The following SPTBN4 variants were observed in gnomAD, a reference collection of about 807,000 sequenced individuals.
SPTBN4 encodes the protein spectrin beta, non-erythrocytic 4.
Under a neutral mutation model 277.8 loss-of-function variants are expected in SPTBN4, and 96 were observed. That is an observed-to-expected ratio of 0.35 (90% CI 0.29 to 0.41). SPTBN4 has a LOEUF of 0.41. SPTBN4 is among the 10% of genes least tolerant of loss of function. The pLI, the probability that SPTBN4 is intolerant of heterozygous loss-of-function variation, is 1.00. For synonymous variants in SPTBN4, 1,481 were observed against 1,580.3 expected, an observed-to-expected ratio of 0.94 and a Z score of 1.49; for missense variants, 3,006 against 3,595.7, an observed-to-expected ratio of 0.84 and a Z score of 4.19.
intron 1 of SPTBN4, among the ~76,000 whole-genome samples, chr19:40,471,136 A>G (rs1283771312): frequency 2.0e-5 from 3 of 148,694 alleles, no homozygotes; most frequent in Non-Finnish European, 4.5e-5. Context: ...TTTTAGAGAC[A>G]GGGTTTCACC....
chr19:40,493,161 A>G (rs1204078271), intron 5 of SPTBN4, 107 bp downstream of exon 5: 1 of 929,912 alleles, frequency 1.1e-6, no homozygotes, highest in Non-Finnish European at 1.7e-6. Flanking sequence ...CCTCAGGGTC[A>G]AAAAGTTACA....
chr19:40,531,735 G>A (rs1330871651), intron 18 of SPTBN4, among the ~76,000 whole-genome samples: 1 of 151,854 alleles, frequency 6.6e-6, no homozygotes, highest in African/African-American at 2.4e-5. Context: ...TGGTTTTGTT[G>A]GTGGGTAGGA....
rs939525136 is a variant in SPTBN4, at chr19:40,526,467, G to A, written c.3858-2574G>A. 1.1e-4 allele frequency among the ~76,000 whole-genome samples: 17 copies of A among 149,914 alleles called. No homozygotes were observed. The East Asian group carries it at 1.6e-3, about 14-fold the overall frequency. On this transcript the variant is annotated intron_variant, in intron 17 of 35. Transcript: ENST00000598249. ...GATTACAGGCGTGAGCCACCGCGCCGGCCGCTAGGTGCTGTTCTTATCTGC... is the reference window on the plus strand; with the variant it reads ...GATTACAGGCGTGAGCCACCGCGCCAGCCGCTAGGTGCTGTTCTTATCTGC...
intron 20 of SPTBN4, among the ~76,000 whole-genome samples, chr19:40,546,724 C>T (rs2080863804): frequency 6.6e-6 from 1 of 152,086 alleles, no homozygotes; most frequent in Admixed American, 6.6e-5. Context: ...TGCTTGTAGT[C>T]CTAGCTACTT....
rs369874215 is a variant in SPTBN4, at chr19:40,529,931, A to C, written c.3948+800A>C. Among the ~76,000 whole-genome samples the C allele has an allele frequency of 3.3e-5, 5 of 150,370 alleles. No homozygotes were observed. The East Asian group carries it at 7.9e-4, about 24-fold the overall frequency. On this transcript the variant is annotated intron_variant, in intron 18 of 35. Coordinates refer to ENST00000598249, the MANE Select transcript of SPTBN4 (RefSeq NM_020971.3). ...CTCAGCCTCAATTAAAGACGATTCG[A>C]CCCTCCCCCCTATGTTGAACACCCA...
chr19:40,557,866 C>T (rs569631746), intron 26 of SPTBN4, among the ~76,000 whole-genome samples: 2 of 146,794 alleles, frequency 1.4e-5, no homozygotes, highest in East Asian at 2.0e-4. Context: ...TGCAGTGAGC[C>T]CAGATCTCGC....
At position 40,560,433 on chromosome 19, in the gene SPTBN4, C is replaced by T; in HGVS notation, c.5915+30C>T. 1 of 1,613,418 alleles carries T rather than the reference C, an allele frequency of 6.2e-7. No individual in the cohort carries two copies. Among genetic ancestry groups the T allele is most frequent in the Non-Finnish European group, 8.5e-7 (1 of 1,179,662 alleles). ...CCCTCATCCCTCCTCGGGCTTCCTGCCTCCCCCTGGTGGCCTACCCCAGCC... is the reference window on the plus strand; with the variant it reads ...CCCTCATCCCTCCTCGGGCTTCCTGTCTCCCCCTGGTGGCCTACCCCAGCC... On this transcript the variant is annotated intron_variant, in intron 27 of 35. Coordinates refer to ENST00000598249, the MANE Select transcript of SPTBN4 (RefSeq NM_020971.3). The surrounding 1 kb of genome is among the most constrained non-coding windows in gnomAD (Gnocchi z 5.2).
Position 40,556,077 on chromosome 19 carries a change from C to T in SPTBN4, c.5085-7C>T. On this transcript the variant is annotated splice_polypyrimidine_tract_variant and splice_region_variant and intron_variant, in intron 24 of 35. Transcript: ENST00000598249. ...GTCCATCCCTGCCCCTCCATGTCCC[C>T]CTTCAGCGAGCAGATCAGCCGGCGG... 1 of 1,607,772 alleles carries T rather than the reference C, an allele frequency of 6.2e-7. No individual in the cohort carries two copies. The highest frequency in any genetic ancestry group is 8.5e-7 in the Non-Finnish European group (1 of 1,177,232).
chr19:40,474,284 C>T (rs974865482), intron 2 of SPTBN4, among the ~76,000 whole-genome samples: 2 of 151,270 alleles, frequency 1.3e-5, no homozygotes, highest in African/African-American at 4.9e-5. Flanking sequence ...TACACAGGAA[C>T]CTTTGGGACT....
intron 20 of SPTBN4, among the ~76,000 whole-genome samples, chr19:40,541,328 A>T (rs973461266): frequency 6.6e-6 from 1 of 152,146 alleles, no homozygotes; most frequent in East Asian, 1.9e-4. Context: ...TCACACAGTG[A>T]TGGGTGCCAG....
rs868194335 is a variant in SPTBN4, at chr19:40,550,223, C to T, written c.4585-15C>T. On this transcript the variant is annotated splice_polypyrimidine_tract_variant and intron_variant, in intron 21 of 35. Coordinates refer to ENST00000598249, the MANE Select transcript of SPTBN4 (RefSeq NM_020971.3). The stretch of plus-strand genomic sequence containing the variant: ...ATGCATTCTCCCCTTGACCTGCTTC[C>T]TGTGTCCTCTCCAGGCATGGGTTCA... 13 of 1,612,948 alleles carry T rather than the reference C, an allele frequency of 8.1e-6. No homozygotes were observed. Among genetic ancestry groups the T allele is most frequent in the African/African-American group, 5.3e-5 (4 of 75,026 alleles).
Position 40,540,814 on chromosome 19 carries a change from C to CA in SPTBN4, c.4359+6497dup, listed in dbSNP as rs58695945. The stretch of plus-strand genomic sequence containing the variant: ...GGTCGACAGAGTGAGACCCCCATCT[C>CA]AAAAAAAAAAAAAAAAAAAAAAAAA... On this transcript the variant is annotated intron_variant, in intron 20 of 35. Transcript: ENST00000598249. Among the ~76,000 whole-genome samples, 274 of 79,296 alleles carry CA rather than the reference C, an allele frequency of 3.5e-3. 10 individuals carry two copies. In the East Asian group the frequency reaches 0.036, roughly 10 times the overall value. 52.0% of individuals were successfully genotyped at this position (79,296 alleles called of 152,430 possible).
chr19:40,523,087 T>C (rs2080547543), intron 16 of SPTBN4, among the ~76,000 whole-genome samples: 2 of 152,130 alleles, frequency 1.3e-5, no homozygotes, highest in African/African-American at 2.4e-5. Context: ...TGAGCCGGGA[T>C]TGCACCACTG....
At chr19:40,539,735 C>T (rs1006947866) in intron 20 of SPTBN4, among the ~76,000 whole-genome samples, 1 of 151,974 alleles carries the variant, frequency 6.6e-6, no homozygotes, top group African/African-American at 2.4e-5. Flanking sequence ...CCACCTCCGC[C>T]TCCCAAAGTG....
At chr19:40,484,468 C>T (rs1031432325) in intron 2 of SPTBN4, among the ~76,000 whole-genome samples, 2 of 152,122 alleles carry the variant, frequency 1.3e-5, no homozygotes, top group Admixed American at 6.6e-5. Flanking sequence ...CAGATAACCT[C>T]GAGATGATCA....
intron 2 of SPTBN4, among the ~76,000 whole-genome samples, chr19:40,481,424 A>C (rs1332093238): frequency 6.6e-6 from 1 of 152,112 alleles, no homozygotes. Context: ...CTAGCAGTGT[A>C]CCAGAGATTC....
chr19:40,492,029 AC>A (rs200051156), intron 4 of SPTBN4, among the ~76,000 whole-genome samples: 2,859 of 144,758 alleles, frequency 0.02, 96 homozygotes, highest in African/African-American at 0.075. Flanking sequence ...TCTAAAAAAA[AC>A]AAAAACAAAA....
chr19:40,520,616 G>A (rs547791567), intron 16 of SPTBN4, among the ~76,000 whole-genome samples: 1 of 152,294 alleles, frequency 6.6e-6, no homozygotes, highest in South Asian at 2.1e-4. Context: ...CAGTGATTGT[G>A]GATTACATGG....
intron 22 of SPTBN4, among the ~76,000 whole-genome samples, chr19:40,553,201 C>T (rs1180599923): frequency 6.6e-6 from 1 of 152,176 alleles, no homozygotes; most frequent in Admixed American, 6.5e-5. Flanking sequence ...GTTGGCTGGC[C>T]GGGCACAGTG....
Sources: gnomAD v4.1 joint callset for allele counts (sites outside exome capture counted in the v4.1 genomes callset) on GRCh38, gnomAD v4.1.1 for gene constraint, Gnocchi (gnomAD v3.1) non-coding constraint, MANE v1.5 for transcripts, NCBI Gene and HGNC (gene_info 2026-07-23, HGNC 2026-07-21) for gene names.